The following KCTD1 variants were observed in gnomAD, a reference collection of about 807,000 sequenced individuals.
KCTD1 encodes BTB/POZ domain-containing protein KCTD1.
Under a neutral mutation model 66.0 loss-of-function variants are expected in KCTD1, and 24 were observed. The ratio of observed to expected loss-of-function variants is 0.36; its 90% CI spans 0.26 to 0.51. KCTD1 has a LOEUF of 0.51. KCTD1 is among the 20% of genes least tolerant of loss of function. KCTD1 has a pLI of 0.95. For missense variants in KCTD1, 943 were observed against 1,205.2 expected (o/e 0.78, Z 3.22); for synonymous variants, 511 against 517.2 (o/e 0.99, Z 0.16).
chr18:26,499,834 G>A (rs547389560), intron 2 of KCTD1, among the ~76,000 whole-genome samples: 38 of 152,222 alleles, frequency 2.5e-4, no homozygotes, highest in African/African-American at 8.7e-4. Flanking sequence ...CCTGTTTCCC[G>A]ACATTACCCT....
chr18:26,548,646 C>T (rs989914719), upstream of KCTD1: 2 of 1,120,546 alleles, frequency 1.8e-6, no homozygotes, highest in South Asian at 4.5e-5. Context: ...CAAAGCCGGG[C>T]TCTTAAAGGA....
At chr18:26,549,609 A>C (rs1985464203), upstream of KCTD1, 1 of 809,954 alleles carries the variant, frequency 1.2e-6, no homozygotes, top group South Asian at 5.6e-5. Flanking sequence ...GAGGCGCTCC[A>C]CCAAGCTGGA....
At chr18:26,560,091 T>C (rs1224802232) in intron 1 of KCTD1, among the ~76,000 whole-genome samples, 2 of 150,366 alleles carry the variant, frequency 1.3e-5, no homozygotes, top group African/African-American at 4.9e-5. Context: ...ATTTAAACAC[T>C]GCAGAATAAT....
intron 1 of KCTD1, among the ~76,000 whole-genome samples, chr18:26,574,553 G>A (rs1335315160): frequency 6.6e-6 from 1 of 152,178 alleles, no homozygotes; most frequent in Non-Finnish European, 1.5e-5. Flanking sequence ...GTACATATCT[G>A]TTGAATTGAA....
chr18:26,490,702 G>A (rs1007114649), intron 2 of KCTD1, among the ~76,000 whole-genome samples: 7 of 152,060 alleles, frequency 4.6e-5, no homozygotes, highest in African/African-American at 1.2e-4. Flanking sequence ...GCCAGGCACC[G>A]AAGACTACTG....
intron 1 of KCTD1, among the ~76,000 whole-genome samples, chr18:26,536,738 G>A (rs778863917): frequency 2.6e-5 from 4 of 152,004 alleles, no homozygotes; most frequent in Admixed American, 6.6e-5. Context: ...CTTGCACACC[G>A]TAAGTGCTCA....
At chr18:26,555,945 T>C (rs887612721) in intron 1 of KCTD1, among the ~76,000 whole-genome samples, 1 of 152,166 alleles carries the variant, frequency 6.6e-6, no homozygotes, top group Non-Finnish European at 1.5e-5. Context: ...CAGAAACTGG[T>C]ATCTGGGTGT....
intron 1 of KCTD1, among the ~76,000 whole-genome samples, chr18:26,593,898 G>GAC (rs1257039688): frequency 6.6e-6 from 1 of 150,846 alleles, no homozygotes; most frequent in African/African-American, 2.4e-5. Context: ...GGAGGAGGAG[G>GAC]AAGATGAGGA....
intron 1 of KCTD1, among the ~76,000 whole-genome samples, chr18:26,521,844 A>G (rs1983928358): frequency 6.6e-6 from 1 of 152,154 alleles, no homozygotes. Flanking sequence ...CTGGGGAAGG[A>G]GCAGGAGGAA....
chr18:26,504,950 G>A (rs1026362955), intron 1 of KCTD1, among the ~76,000 whole-genome samples: 2 of 152,252 alleles, frequency 1.3e-5, no homozygotes, highest in Admixed American at 6.5e-5. Context: ...CAATGCCCAG[G>A]ATGGCAGAGC....
At chr18:26,469,140 G>A (rs1291819896) in intron 3 of KCTD1, among the ~76,000 whole-genome samples, 1 of 151,554 alleles carries the variant, frequency 6.6e-6, no homozygotes, top group Non-Finnish European at 1.5e-5. Context: ...TAAGGCCCTG[G>A]GATATGTGAG....
chr18:26,517,334 T>G (rs1962426179), intron 1 of KCTD1, among the ~76,000 whole-genome samples: 1 of 151,970 alleles, frequency 6.6e-6, no homozygotes, highest in African/African-American at 2.4e-5. Flanking sequence ...AGTGAATAAG[T>G]CTCACGAGAT....
Position 26,548,258 on chromosome 18 carries a change from T to TTCCTCC in KCTD1, c.273_278dup (p.Glu95_Glu96dup), listed in dbSNP as rs143299522. ...CCCAGTCCAGCCCCATCTCCTCCTCTTCCTCCTCCTCCTCGTCCTCCTCCA... is the reference window on the plus strand; with the variant it reads ...CCCAGTCCAGCCCCATCTCCTCCTCTTCCTCCTCCTCCTCCTCCTCGTCCTCCTCCA... On this transcript the variant is annotated inframe_insertion, in exon 1 of 5. Transcript: ENST00000580059. 2.5e-5 allele frequency: 37 copies of TTCCTCC among 1,508,178 alleles called. No individual in the cohort carries two copies. Among genetic ancestry groups the TTCCTCC allele is most frequent in the Non-Finnish European group, 3.3e-5 (37 of 1,131,418 alleles). The allele number at this position is 1,508,178 out of a possible 1,614,324, so 93.4% of individuals were successfully genotyped here. A position where few individuals can be genotyped will look rare whatever the true frequency, so the allele number is the denominator to read the frequency against.
chr18:26,478,519 T>C lies in KCTD1; in HGVS notation c.1989-1860A>G, dbSNP rs537025363. On this transcript the variant is annotated intron_variant, in intron 2 of 4. Coordinates refer to ENST00000580059, the MANE Select transcript of KCTD1 (RefSeq NM_001142730.3). Reference sequence around the variant, plus strand: ...CGAAATAAGTCAGTATCAGTGATCTTGTCACTTTAGTAAGAGAGGAAAAGT... The same window carrying C: ...CGAAATAAGTCAGTATCAGTGATCTCGTCACTTTAGTAAGAGAGGAAAAGT... Among the ~76,000 whole-genome samples the C allele has an allele frequency of 3.3e-5, 5 of 152,382 alleles. 1 individual carries two copies. In the South Asian group the frequency reaches 1.0e-3, roughly 32 times the overall value.
intron 1 of KCTD1, among the ~76,000 whole-genome samples, chr18:26,558,804 T>TC (rs1341095303): frequency 6.6e-6 from 1 of 152,006 alleles, no homozygotes; most frequent in Non-Finnish European, 1.5e-5. Context: ...GCACCTGTAG[T>TC]CCCAGCTACT....
chr18:26,654,434 G>A (rs79613801), intron 1 of KCTD1, among the ~76,000 whole-genome samples: 17,267 of 151,944 alleles, frequency 0.11, 1,319 homozygotes, highest in Non-Finnish European at 0.17. Context: ...TTGAATGGTC[G>A]GTAAATCACA....
intron 1 of KCTD1, among the ~76,000 whole-genome samples, chr18:26,562,210 G>A (rs1985873104): frequency 1.3e-5 from 2 of 151,966 alleles, no homozygotes; most frequent in African/African-American, 4.8e-5. Context: ...CACTTCCACT[G>A]AAGCACCAAG....
At chr18:26,525,679 A>T (rs1984124298) in intron 1 of KCTD1, among the ~76,000 whole-genome samples, 1 of 152,230 alleles carries the variant, frequency 6.6e-6, no homozygotes, top group Non-Finnish European at 1.5e-5. Flanking sequence ...TTCTGTAGAT[A>T]CATTTACATT....
intron 1 of KCTD1, among the ~76,000 whole-genome samples, chr18:26,519,735 T>C (rs369497973): frequency 6.6e-6 from 1 of 152,234 alleles, no homozygotes; most frequent in Non-Finnish European, 1.5e-5. Flanking sequence ...TCTAAAGATA[T>C]ATTCAGTTGT....
Sources: gnomAD v4.1 joint callset for allele counts (sites outside exome capture counted in the v4.1 genomes callset) on GRCh38, gnomAD v4.1.1 for gene constraint, MANE v1.5 for transcripts, NCBI Gene and HGNC (gene_info 2026-07-23, HGNC 2026-07-21) for gene names.